SLC47A2: variants seen among roughly 807,000 people sequenced by gnomAD.
SLC47A2 encodes the protein multidrug and toxin extrusion protein 2.
SLC47A2 carries 52 observed loss-of-function variants against 67.7 expected under a neutral mutation model. That is an observed-to-expected ratio of 0.77 (90% CI 0.61 to 0.97). The LOEUF is 0.97. Ranked by LOEUF, SLC47A2 falls within the 50% of genes least tolerant of loss-of-function variation. The probability of loss-of-function intolerance (pLI) is 0.00; values close to 1 mark genes in which losing one functional copy is unlikely to be tolerated. For missense variants in SLC47A2, 676 were observed against 712.3 expected, an observed-to-expected ratio of 0.95 and a Z score of 0.58; for synonymous variants, 278 against 292.9, an observed-to-expected ratio of 0.95 and a Z score of 0.52.
chr17:19,704,876 A>G (rs2085887970), intron 10 of SLC47A2: 1 of 465,240 alleles, frequency 2.1e-6, no homozygotes, highest in African/African-American at 2.2e-5. Context: ...CCTAGGCTTG[A>G]GTGCAGTGGC....
rs957244056 is a variant in SLC47A2 at position 19,678,581 on chromosome 17, G to T, written c.*105C>A. ...TTCTTTTTTTGAGGAGTGGTTCAAA[G>T]TGTCCACCTGCACTAGACCCCATTG... On this transcript the variant is annotated 3_prime_UTR_variant, in exon 17 of 17. Transcript: ENST00000433844. 6.7e-6 allele frequency: 8 copies of T among 1,198,448 alleles called. No homozygotes were observed. In the African/African-American group the frequency reaches 1.1e-4, roughly 16 times the overall value. The allele number at this position is 1,198,448 out of a possible 1,614,324, so 74.2% of individuals were successfully genotyped here.
chr17:19,704,822 C>CTT (rs6146013), intron 10 of SLC47A2: 7,961 of 272,106 alleles, frequency 0.029, 84 homozygotes, highest in South Asian at 0.041. Context: ...ATGGAATGTG[C>CTT]TTTTTTTTTT....
chr17:19,679,809 G>A, intron 16 of SLC47A2, 143 bp downstream of exon 16: 1 of 769,420 alleles, frequency 1.3e-6, no homozygotes, highest in Non-Finnish European at 2.0e-6. Context: ...TGGTGCTTAG[G>A]ACATCATTTT....
intron 3 of SLC47A2, 137 bp from the exon 4 acceptor site, chr17:19,714,110 C>T: frequency 2.5e-6 from 3 of 1,212,044 alleles, no homozygotes; most frequent in South Asian, 1.6e-5. Flanking sequence ...GCCTGGCGCC[C>T]GCAGCCTGTA....
At chr17:19,682,651 A>G (rs1481735113) in intron 13 of SLC47A2, among the ~76,000 whole-genome samples, 1 of 152,174 alleles carries the variant, frequency 6.6e-6, no homozygotes, top group Non-Finnish European at 1.5e-5. Context: ...CTATCTCCAG[A>G]TTCTTAATCA....
chr17:19,710,151 G>A (rs915707066), intron 5 of SLC47A2, among the ~76,000 whole-genome samples: 1 of 152,170 alleles, frequency 6.6e-6, no homozygotes, highest in South Asian at 2.1e-4. Flanking sequence ...AGTGAGCTGA[G>A]CCTGGTAGGG....
chr17:19,696,634 A>G (rs2085671546), intron 13 of SLC47A2, among the ~76,000 whole-genome samples: 1 of 152,212 alleles, frequency 6.6e-6, no homozygotes, highest in South Asian at 2.1e-4. Flanking sequence ...AAGTATAAGT[A>G]TGACCCTGCT....
chr17:19,708,119 C>G (rs1386048365), intron 7 of SLC47A2, among the ~76,000 whole-genome samples, 183 bp downstream of exon 7: 1 of 152,178 alleles, frequency 6.6e-6, no homozygotes, highest in Non-Finnish European at 1.5e-5. Flanking sequence ...TGGCTGTCCT[C>G]TCACCCAATC....
At chr17:19,705,874 C>T (rs921458872) in intron 9 of SLC47A2, among the ~76,000 whole-genome samples, 1 of 152,238 alleles carries the variant, frequency 6.6e-6, no homozygotes, top group Admixed American at 6.5e-5. Context: ...GCAGGGATTA[C>T]AGGCATGAGC....
upstream of SLC47A2, chr17:19,716,610 T>C: frequency 6.6e-7 from 1 of 1,510,532 alleles, no homozygotes; most frequent in Non-Finnish European, 8.9e-7. Context: ...CGGCCAGCTT[T>C]GTCCAGCGAG....
chr17:19,712,776 C>G (rs746109918), intron 4 of SLC47A2, 31 bp from the exon 5 acceptor site: 1 of 1,608,898 alleles, frequency 6.2e-7, no homozygotes, highest in Non-Finnish European at 8.5e-7. Flanking sequence ...CCGGAGCTGA[C>G]CAGGCTGTGG....
chr17:19,698,413 C>T (rs535310433), intron 13 of SLC47A2, among the ~76,000 whole-genome samples: 7 of 152,194 alleles, frequency 4.6e-5, no homozygotes, highest in South Asian at 2.1e-4. Flanking sequence ...AGTACAGTGG[C>T]GCAATATTGG....
chr17:19,687,474 TTAG>T (rs1267185142), intron 13 of SLC47A2, among the ~76,000 whole-genome samples: 1 of 150,868 alleles, frequency 6.6e-6, no homozygotes, highest in East Asian at 1.9e-4. Context: ...AAACCCAAAA[TTAG>T]TAGAAGAAAA....
In SLC47A2 at chr17:19,707,871, G is replaced by C. The variant is rs143423226; in HGVS notation, c.630-28C>G. 4 of 1,552,350 alleles carry C rather than the reference G, an allele frequency of 2.6e-6. No homozygotes were observed. In the East Asian group the frequency reaches 9.7e-5, roughly 37 times the overall value. ...GGGTAAGGAGGGAGAACAGGGCTGC[G>C]ACTGATGCCAACTCTCTGCCACCGC... On this transcript the variant is annotated intron_variant, in intron 7 of 16. Coordinates refer to ENST00000433844, the MANE Select transcript of SLC47A2 (RefSeq NM_001099646.3).
intron 13 of SLC47A2, 60 bp from the exon 14 acceptor site, chr17:19,681,730 T>G: frequency 6.4e-7 from 1 of 1,565,512 alleles, no homozygotes; most frequent in Non-Finnish European, 8.7e-7. Context: ...GCAGGTGTCA[T>G]GCAGCAGGCA....
chr17:19,693,599 C>T (rs904141119), intron 13 of SLC47A2, among the ~76,000 whole-genome samples: 4 of 142,868 alleles, frequency 2.8e-5, no homozygotes, highest in South Asian at 2.4e-4. Context: ...GGTGAAACCC[C>T]GTCTCTACTA....
At position 19,678,880 on chromosome 17, in the gene SLC47A2, T is replaced by C. The variant is rs2085249196; in HGVS notation, c.1507A>G (p.Thr503Ala). The change falls in exon 17 of 17, where the codon ACC (threonine) becomes GCC (alanine). Residue 503 changes from threonine to alanine, a missense_variant. Transcript: ENST00000433844. ...SVATGSSPGI[T>A]LTTYSRSECH... ...TCAGACCTTGAATACGTTGTCAAGG[T>C]AATGCCAGGGGAACTGCCTGTAGCC... The C allele has an allele frequency of 1.3e-6, 2 of 1,588,398 alleles. No individual in the cohort carries two copies. Among genetic ancestry groups the C allele is most frequent in the Non-Finnish European group, 1.7e-6 (2 of 1,166,236 alleles).
At chr17:19,695,449 C>T (rs917812590) in intron 13 of SLC47A2, among the ~76,000 whole-genome samples, 2 of 138,446 alleles carry the variant, frequency 1.4e-5, no homozygotes, top group African/African-American at 5.4e-5. Context: ...GCCAACTGCA[C>T]TCCAGCCTGG....
chr17:19,697,139 TA>T (rs984272403), intron 13 of SLC47A2, among the ~76,000 whole-genome samples: 3 of 151,204 alleles, frequency 2.0e-5, no homozygotes, highest in African/African-American at 4.9e-5. Flanking sequence ...AAAATAAAAA[TA>T]AAAAAAATTA....
Sources: gnomAD v4.1 joint callset for allele counts (sites outside exome capture counted in the v4.1 genomes callset) on GRCh38, gnomAD v4.1.1 for gene constraint, MANE v1.5 for transcripts, NCBI Gene and HGNC (gene_info 2026-07-23, HGNC 2026-07-21) for gene names.